TTC5: variants seen among roughly 807,000 people sequenced by gnomAD.
TTC5 encodes the protein tetratricopeptide repeat protein 5.
In TTC5, 46 loss-of-function variants were observed where a neutral mutation model predicts 57.4. The observed-to-expected ratio is 0.80, with a 90% CI of 0.63 to 1.03. TTC5 has a LOEUF of 1.03. Ranked by LOEUF, TTC5 falls within the 50% of genes least tolerant of loss-of-function variation. The pLI, the probability that TTC5 is intolerant of heterozygous loss-of-function variation, is 0.00. For synonymous variants in TTC5, 190 were observed against 203.5 expected, an observed-to-expected ratio of 0.93 and a Z score of 0.57; for missense variants, 504 against 528.1, an observed-to-expected ratio of 0.95 and a Z score of 0.45.
In TTC5 at chr14:20,295,364, C is replaced by T. The variant is rs113096483; in HGVS notation, c.1006G>A (p.Val336Ile). The T allele has an allele frequency of 3.0e-3, 4,817 of 1,614,146 alleles. 118 individuals are homozygous for T. The African/African-American group carries it at 0.052, about 18-fold the overall frequency. ...TLQPGVNSGA[V>I]ILGKVVFSLT... ...CTAAATACCACCTTTCCCAGGATGA[C>T]GGCACCGCTGTTCACCCCAGGCTGA... The change falls in exon 8 of 10, where the codon GTC (valine) becomes ATC (isoleucine). Residue 336 changes from valine to isoleucine, a missense_variant. Val to Ile is a conservative substitution (Grantham distance 29, BLOSUM62 3). Transcript: ENST00000258821.
At chr14:20,300,877 T>C (rs545442365) in intron 2 of TTC5, 59 bp from the exon 3 acceptor site, 41 of 1,370,452 alleles carry the variant, frequency 3.0e-5, no homozygotes, top group Middle Eastern at 3.8e-4. Context: ...CAGGGCACTT[T>C]CTCTCAAAAA....
chr14:20,303,896 G>A (rs1427929291), intron 1 of TTC5, among the ~76,000 whole-genome samples: 1 of 152,074 alleles, frequency 6.6e-6, no homozygotes, highest in Non-Finnish European at 1.5e-5. Flanking sequence ...CCTTATGCCT[G>A]GACACTTTCT....
chr14:20,295,679 G>T (rs762214959), intron 7 of TTC5, 29 bp downstream of exon 7: 40 of 1,544,524 alleles, frequency 2.6e-5, no homozygotes, highest in Non-Finnish European at 5.2e-6. Context: ...AAAAAAAAAA[G>T]TGGAATTCAG....
At chr14:20,292,174 TG>T in intron 8 of TTC5, 47 bp from the exon 9 acceptor site, 1 of 1,383,006 alleles carries the variant, frequency 7.2e-7, no homozygotes, top group East Asian at 2.7e-5. Context: ...AAAAGGTATG[TG>T]GGTAGGAAAG....
rs573906158 is a variant in TTC5, at chr14:20,303,841, T to C, written c.52-1876A>G. Among the ~76,000 whole-genome samples, 84 of 152,304 alleles carry C rather than the reference T, an allele frequency of 5.5e-4. 1 individual carries two copies. The highest frequency in any genetic ancestry group is 1.9e-3 in the African/African-American group (78 of 41,568). Reference sequence around the variant, plus strand: ...CTACAATACTCAAGCCAGAGTTGCCTTCATGCAGTTTCTCAAACCCATCAA... The same window carrying C: ...CTACAATACTCAAGCCAGAGTTGCCCTCATGCAGTTTCTCAAACCCATCAA... On this transcript the variant is annotated intron_variant, in intron 1 of 9. Transcript: ENST00000258821.
In TTC5 at chr14:20,296,442, T is replaced by C. The variant is rs1218102584; in HGVS notation, c.644A>G (p.Lys215Arg). The change falls in exon 6 of 10, where the codon AAA (lysine) becomes AGA (arginine). Residue 215 changes from lysine to arginine, a missense_variant. Coordinates refer to ENST00000258821, the MANE Select transcript of TTC5 (RefSeq NM_138376.3). ...ATTGCTAGAAGCTTTTCTGTCAACTTTCTCCTATAATGGGATGAAAAGATT... is the reference window on the plus strand; with the variant it reads ...ATTGCTAGAAGCTTTTCTGTCAACTCTCTCCTATAATGGGATGAAAAGATT... ...QALSAYAQAEKVDRKASSNPD... is the reference protein window; with the variant it reads ...QALSAYAQAERVDRKASSNPD... 1 of 1,610,996 alleles carries C rather than the reference T, an allele frequency of 6.2e-7. No individual in the cohort carries two copies.
chr14:20,300,392 C>T (rs948026691), intron 3 of TTC5: 5 of 522,866 alleles, frequency 9.6e-6, no homozygotes, highest in Non-Finnish European at 1.7e-5. Flanking sequence ...CACTTCCTTT[C>T]TCCCCCTGAA....
rs1566391539 is a variant in TTC5, at chr14:20,299,386, A to G, written c.459T>C (p.Thr153=). 1 of 1,614,156 alleles carries G rather than the reference A, an allele frequency of 6.2e-7. No homozygotes were observed. Among genetic ancestry groups the G allele is most frequent in the East Asian group, 2.2e-5 (1 of 44,870 alleles). ...SMVLRQLRTD[T]EDEHSHHVMD... ...TGACATGGTGAGAATGTTCATCTTCAGTGTCAGTCCGCAGCTGACGAAGCA... is the reference window on the plus strand; with the variant it reads ...TGACATGGTGAGAATGTTCATCTTCGGTGTCAGTCCGCAGCTGACGAAGCA... Residue 153 remains threonine (T), a synonymous_variant, in exon 4 of 10, where the codon ACT becomes ACC. Transcript: ENST00000258821.
rs1386761791 is a variant in TTC5 at position 20,286,268 on chromosome 14, G to A, written c.*3359C>T. 6.6e-6 allele frequency: 1 copy of A among 152,020 alleles called. No homozygotes were observed. The allele number at this position is 152,020 out of a possible 1,614,324, so 9.4% of individuals were successfully genotyped here. A position where few individuals can be genotyped will look rare whatever the true frequency, so the allele number is the denominator to read the frequency against. ...ATATTTGAAAAACATAATTTATAAT[G>A]GATTAGTATCCAGAACATGTAAGGA... On this transcript the variant is annotated 3_prime_UTR_variant, in exon 10 of 10. Coordinates refer to ENST00000258821, the MANE Select transcript of TTC5 (RefSeq NM_138376.3).
At chr14:20,296,531 C>A (rs1241619725) in intron 5 of TTC5, 85 bp from the exon 6 acceptor site, 2 of 1,090,370 alleles carry the variant, frequency 1.8e-6, no homozygotes, top group African/African-American at 3.1e-5. Flanking sequence ...CCTCCTCTTT[C>A]TAGAGAAATG....
At chr14:20,301,550 T>C (rs1266729698) in intron 2 of TTC5, among the ~76,000 whole-genome samples, 1 of 151,986 alleles carries the variant, frequency 6.6e-6, no homozygotes, top group Admixed American at 6.6e-5. Context: ...GCCATGGTAT[T>C]ATATAAGTGG....
rs556970179 is a variant in TTC5 at position 20,305,942 on chromosome 14, C to T, written c.-5G>A. 5 of 1,614,058 alleles carry T rather than the reference C, an allele frequency of 3.1e-6. No individual in the cohort carries two copies. Among genetic ancestry groups the T allele is most frequent in the Middle Eastern group, 1.6e-4 (1 of 6,062 alleles). On this transcript the variant is annotated 5_prime_UTR_variant, in exon 1 of 10. Coordinates refer to ENST00000258821, the MANE Select transcript of TTC5 (RefSeq NM_138376.3). ...TTCCTCTTCATCAGCCATCATCTCC[C>T]GGCCACTCCACCCCCAACTTTATAA...
Position 20,295,444 on chromosome 14 carries a change from T to C in TTC5, c.926A>G (p.Tyr309Cys), listed in dbSNP as rs61741728. 0.01 allele frequency: 16,335 copies of C among 1,614,172 alleles called. 120 individuals are homozygous for C. Among genetic ancestry groups the C allele is most frequent in the Non-Finnish European group, 0.013 (15,002 of 1,180,014 alleles). Residue 309 changes from tyrosine to cysteine, a missense_variant, in exon 8 of 10, where the codon TAT becomes TGT. Coordinates refer to ENST00000258821, the MANE Select transcript of TTC5 (RefSeq NM_138376.3). ...AHLGPCSDGHYQSASGQKVTL... is the reference protein window; with the variant it reads ...AHLGPCSDGHCQSASGQKVTL... ...CACTTTCTGCCCAGAGGCTGACTGATAGTGCCCATCACTGCAAGGGCCTAG... is the reference window on the plus strand; with the variant it reads ...CACTTTCTGCCCAGAGGCTGACTGACAGTGCCCATCACTGCAAGGGCCTAG...
chr14:20,289,460 G>A lies in TTC5; in HGVS notation c.*167C>T. The A allele has an allele frequency of 1.3e-6, 1 of 755,454 alleles. No individual in the cohort carries two copies. The highest frequency in any genetic ancestry group is 2.0e-6 in the Non-Finnish European group (1 of 493,962). 46.8% of individuals were successfully genotyped at this position (755,454 alleles called of 1,614,324 possible). A position where few individuals can be genotyped will look rare whatever the true frequency, so the allele number is the denominator to read the frequency against. ...CCTGTAGAGAGCTGGAACATGATGA[G>A]GACAGAGGAGAGAGAAGAGATACGA... is the stretch of plus-strand genomic sequence containing the variant. On this transcript the variant is annotated 3_prime_UTR_variant, in exon 10 of 10. Transcript: ENST00000258821.
intron 5 of TTC5, among the ~76,000 whole-genome samples, chr14:20,297,704 C>T (rs1315973331): frequency 2.0e-5 from 3 of 151,218 alleles, no homozygotes; most frequent in Admixed American, 6.6e-5. Flanking sequence ...ACCTGGGACA[C>T]GGAGGTTGCA....
rs183091040 is a variant in TTC5 at position 20,291,952 on chromosome 14, G to A, written c.1203+31C>T. ...GCTTGGTTCTACTTTTAGAGCCTAC[G>A]AGTTGTAAGAGAATCCTAGCCATTG... On this transcript the variant is annotated intron_variant, in intron 9 of 9. Coordinates refer to ENST00000258821, the MANE Select transcript of TTC5 (RefSeq NM_138376.3). 58 of 1,513,408 alleles carry A rather than the reference G, an allele frequency of 3.8e-5. No individual in the cohort carries two copies. The Admixed American group carries it at 4.9e-4, about 13-fold the overall frequency. 93.7% of individuals were successfully genotyped at this position (1,513,408 alleles called of 1,614,324 possible). A position where few individuals can be genotyped will look rare whatever the true frequency, so the allele number is the denominator to read the frequency against.
intron 3 of TTC5, 95 bp downstream of exon 3, chr14:20,300,512 T>C: frequency 9.1e-7 from 1 of 1,099,838 alleles, no homozygotes; most frequent in Non-Finnish European, 1.3e-6. Flanking sequence ...TCAATTTCAG[T>C]TCTACTCTGG....
In TTC5 at chr14:20,292,132, CAA is replaced by C. The variant is rs1566388689; in HGVS notation, c.1059-7_1059-6del. On this transcript the variant is annotated splice_polypyrimidine_tract_variant and splice_region_variant and intron_variant, in intron 8 of 9. Transcript: ENST00000258821. ...GAATCTACCAGGCCAAATGTACTAC[CAA>C]GTAAAGACAGATTAGGAGAGAGGAA... The C allele has an allele frequency of 1.9e-6, 3 of 1,539,366 alleles. No individual in the cohort carries two copies. Among genetic ancestry groups the C allele is most frequent in the Non-Finnish European group, 8.8e-7 (1 of 1,142,432 alleles).
chr14:20,300,946 C>G, intron 2 of TTC5, 128 bp from the exon 3 acceptor site: 2 of 733,672 alleles, frequency 2.7e-6, no homozygotes, highest in Non-Finnish European at 4.4e-6. Flanking sequence ...ATCAATAAAC[C>G]ATTTATTGAA....
Sources: gnomAD v4.1 joint callset for allele counts (sites outside exome capture counted in the v4.1 genomes callset) on GRCh38, gnomAD v4.1.1 for gene constraint, MANE v1.5 for transcripts, NCBI Gene and HGNC (gene_info 2026-07-23, HGNC 2026-07-21) for gene names.